Variants in TANGO2 observed in about 807,000 individuals in gnomAD.
The protein encoded by TANGO2 is transport and golgi organization 2 homolog.
A neutral mutation model predicts 39.1 loss-of-function variants in TANGO2; 26 were observed. That is an observed-to-expected ratio of 0.67 (90% CI 0.49 to 0.92). The LOEUF (loss-of-function observed/expected upper bound fraction) is 0.92, where lower values mean the gene tolerates loss of function less well. TANGO2 is among the 40% of genes least tolerant of loss of function. The pLI is 0.00. For missense variants in TANGO2, 326 were observed against 360.1 expected, an observed-to-expected ratio of 0.91 and a Z score of 0.77; for synonymous variants, 131 against 144.5, an observed-to-expected ratio of 0.91 and a Z score of 0.67.
intron 3 of TANGO2, among the ~76,000 whole-genome samples, chr22:20,050,622 A>C (rs1246583260): frequency 3.3e-5 from 5 of 149,808 alleles, no homozygotes; most frequent in African/African-American, 1.2e-4. Flanking sequence ...TTGGCCTCCC[A>C]AAGTGCTGGG....
intron 1 of TANGO2, among the ~76,000 whole-genome samples, chr22:20,022,998 C>G (rs1462674180): frequency 5.9e-5 from 9 of 152,234 alleles, no homozygotes. Context: ...GAAAACAAGC[C>G]TATCCCTACC....
chr22:20,047,418 A>G (rs554370096), intron 3 of TANGO2, among the ~76,000 whole-genome samples: 1 of 151,930 alleles, frequency 6.6e-6, no homozygotes, highest in African/African-American at 2.4e-5. Context: ...TGTTTTTAGT[A>G]GAGACGGGGT....
chr22:20,053,565 A>AG lies in TANGO2; in HGVS notation c.380+19dup, dbSNP rs748385458. 5 of 1,567,394 alleles carry AG rather than the reference A, an allele frequency of 3.2e-6. 1 individual carries two copies. In the South Asian group the frequency reaches 5.5e-5, roughly 17 times the overall value. ...AGCCGACCTGAGGTGGGTCTGCCAG[A>AG]GGGGGATGGCGGCTCTGCCCAGCAC... is the stretch of plus-strand genomic sequence containing the variant. On this transcript the variant is annotated intron_variant, in intron 5 of 8. Transcript: ENST00000327374.
intron 2 of TANGO2, among the ~76,000 whole-genome samples, chr22:20,038,146 G>A (rs2043207344): frequency 6.6e-6 from 1 of 152,202 alleles, no homozygotes; most frequent in African/African-American, 2.4e-5. Flanking sequence ...AATGTGATGG[G>A]TGACTCAGAT....
upstream of TANGO2, among the ~76,000 whole-genome samples, chr22:20,017,555 G>A (rs560559908): frequency 6.6e-6 from 1 of 152,188 alleles, no homozygotes; most frequent in South Asian, 2.1e-4. Context: ...CCCCCATGGG[G>A]CCGCCCTTTC....
intron 2 of TANGO2, among the ~76,000 whole-genome samples, chr22:20,038,812 C>A (rs1338023954): frequency 6.6e-6 from 1 of 152,106 alleles, no homozygotes; most frequent in Non-Finnish European, 1.5e-5. Context: ...CTATGGAGCC[C>A]CTGACAGCAC....
chr22:20,057,317 C>G lies in TANGO2; in HGVS notation c.451+1304C>G, dbSNP rs111961205. Among the ~76,000 whole-genome samples the G allele has an allele frequency of 3.9e-5, 6 of 152,298 alleles. No homozygotes were observed. The highest frequency in any genetic ancestry group is 1.4e-4 in the African/African-American group (6 of 41,558). ...CGTCTGCCCAGTGATGTTTCATCCA[C>G]AGATAGGCCCAGCCCCCATTTGCTA... On this transcript the variant is annotated intron_variant, in intron 6 of 8. Transcript: ENST00000327374. This position sits in a 1 kb window ranked among gnomAD's most constrained non-coding sequence, Gnocchi z 4.1.
chr22:20,029,633 C>T (rs561731099), intron 1 of TANGO2, among the ~76,000 whole-genome samples: 21 of 152,280 alleles, frequency 1.4e-4, no homozygotes, highest in Non-Finnish European at 2.5e-4. Context: ...GGGGAACTTC[C>T]TCCCTGGAAG....
chr22:20,032,126 GCCT>G (rs1188324260), intron 1 of TANGO2, among the ~76,000 whole-genome samples: 1 of 152,240 alleles, frequency 6.6e-6, no homozygotes, highest in African/African-American at 2.4e-5. Context: ...CCCTGGCCCA[GCCT>G]CCTTCCGGTT....
chr22:20,038,211 G>A (rs557903544), intron 2 of TANGO2, among the ~76,000 whole-genome samples: 2 of 152,224 alleles, frequency 1.3e-5, no homozygotes, highest in Non-Finnish European at 2.9e-5. Context: ...TCTGCATACC[G>A]AGAAGACCCT....
At position 20,057,151 on chromosome 22, in the gene TANGO2, G is replaced by A. The variant is rs975467752; in HGVS notation, c.451+1138G>A. On this transcript the variant is annotated intron_variant, in intron 6 of 8. Transcript: ENST00000327374. This position sits in a 1 kb window ranked among gnomAD's most constrained non-coding sequence, Gnocchi z 4.1. ...GCCCCAGGCGTCCCTGGAGGGGCCCGAGGGAGATGATAAGCAGTCCCCAGG... is the reference window on the plus strand; with the variant it reads ...GCCCCAGGCGTCCCTGGAGGGGCCCAAGGGAGATGATAAGCAGTCCCCAGG... 9 of 362,356 alleles carry A rather than the reference G, an allele frequency of 2.5e-5. No homozygotes were observed. The highest frequency in any genetic ancestry group is 4.1e-5 in the South Asian group (2 of 49,090). 22.4% of individuals were successfully genotyped at this position (362,356 alleles called of 1,614,324 possible).
intron 3 of TANGO2, among the ~76,000 whole-genome samples, chr22:20,050,194 G>C (rs965229142): frequency 1.3e-5 from 2 of 152,058 alleles, no homozygotes; most frequent in African/African-American, 4.8e-5. Flanking sequence ...CTAGGCGACA[G>C]AGCAAGACTC....
At chr22:20,054,551 G>A (rs916729537) in intron 5 of TANGO2, 2 of 151,434 alleles carry the variant, frequency 1.3e-5, no homozygotes, top group Non-Finnish European at 3.0e-5. Flanking sequence ...GTGGTTGGGG[G>A]TTGGGGGTTT....
At chr22:20,017,535 C>G (rs939585765), upstream of TANGO2, among the ~76,000 whole-genome samples, 10 of 152,202 alleles carry the variant, frequency 6.6e-5, no homozygotes, top group African/African-American at 2.4e-4. Flanking sequence ...GCTTGTCCCA[C>G]CCTGCAGGCC....
chr22:20,037,825 C>A (rs1232122698), intron 2 of TANGO2, among the ~76,000 whole-genome samples: 1 of 152,140 alleles, frequency 6.6e-6, no homozygotes, highest in Non-Finnish European at 1.5e-5. Flanking sequence ...TGGCCGAGCA[C>A]GGTGGCTCAC....
intron 3 of TANGO2, among the ~76,000 whole-genome samples, chr22:20,052,102 A>C (rs1050442640): frequency 2.0e-5 from 3 of 152,208 alleles, no homozygotes; most frequent in African/African-American, 7.2e-5. Context: ...GGGTGAGGAC[A>C]GCCAGCGTCC....
At position 20,039,012 on chromosome 22, in the gene TANGO2, C is replaced by T. The variant is rs1014330036; in HGVS notation, c.56+2158C>T. ...CTGGAGTACAGTGGTATGATCATAG[C>T]TTACTGCAGCCTCAAACTCGCCGGC... On this transcript the variant is annotated intron_variant, in intron 2 of 8. Coordinates refer to ENST00000327374, the MANE Select transcript of TANGO2 (RefSeq NM_152906.7). Among the ~76,000 whole-genome samples, 4 of 151,634 alleles carry T rather than the reference C, an allele frequency of 2.6e-5. No homozygotes were observed. The East Asian group carries it at 5.8e-4, about 22-fold the overall frequency.
chr22:20,048,895 T>C (rs2045768605), intron 3 of TANGO2, among the ~76,000 whole-genome samples: 1 of 152,220 alleles, frequency 6.6e-6, no homozygotes, highest in South Asian at 2.1e-4. Context: ...TCTGCCTGCC[T>C]TGGCCTCCCA....
At chr22:20,018,472 T>A (rs1945358107), upstream of TANGO2, among the ~76,000 whole-genome samples, 1 of 152,172 alleles carries the variant, frequency 6.6e-6, no homozygotes. Context: ...TGGACCCTGG[T>A]TCTGCTGGAG....
Sources: gnomAD v4.1 joint callset for allele counts (sites outside exome capture counted in the v4.1 genomes callset) on GRCh38, gnomAD v4.1.1 for gene constraint, Gnocchi (gnomAD v3.1) non-coding constraint, MANE v1.5 for transcripts, NCBI Gene and HGNC (gene_info 2026-07-23, HGNC 2026-07-21) for gene names.